Variants in PTCHD4 observed in about 807,000 individuals in gnomAD.
The protein encoded by PTCHD4 is patched domain containing 4, also known as patched domain-containing protein 4.
Under a neutral mutation model 58.1 loss-of-function variants are expected in PTCHD4, and 33 were observed. The ratio of observed to expected loss-of-function variants is 0.57; its 90% confidence interval spans 0.43 to 0.76. The LOEUF is 0.76. PTCHD4 is among the 30% of genes least tolerant of loss of function. PTCHD4 has a pLI of 0.00. For missense variants in PTCHD4, 1,058 were observed against 1,027.1 expected (o/e 1.03, Z -0.41); for synonymous variants, 478 against 409.6 (o/e 1.17, Z -2.02).
chr6:47,977,453 T>G (rs1334974217), intron 4 of PTCHD4, among the ~76,000 whole-genome samples: 2 of 152,158 alleles, frequency 1.3e-5, no homozygotes, highest in East Asian at 3.9e-4. Flanking sequence ...CAACAGCTCA[T>G]GAGGAGTTGA....
intron 4 of PTCHD4, chr6:47,891,015 T>G (rs896338105): frequency 4.7e-6 from 1 of 214,176 alleles, no homozygotes; most frequent in Non-Finnish European, 7.9e-6. Flanking sequence ...TGAGACCAGC[T>G]TGGCCAACAT....
chr6:48,013,559 C>T (rs991275918), intron 3 of PTCHD4, among the ~76,000 whole-genome samples: 21 of 151,834 alleles, frequency 1.4e-4, no homozygotes, highest in Admixed American at 2.6e-4. Context: ...AGAAAGGAGG[C>T]GGGGATCTCA....
intron 4 of PTCHD4, among the ~76,000 whole-genome samples, chr6:47,904,066 A>T (rs1037811934): frequency 6.6e-6 from 1 of 152,196 alleles, no homozygotes; most frequent in African/African-American, 2.4e-5. Flanking sequence ...GCTGGAGTGG[A>T]CTGAAAGAAG....
At chr6:47,882,741 G>GAGATATATATATATAA (rs143060584) in intron 4 of PTCHD4, among the ~76,000 whole-genome samples, 1 of 102,374 alleles carries the variant, frequency 9.8e-6, no homozygotes, top group Non-Finnish European at 2.1e-5. Flanking sequence ...TGATTCCAGT[G>GAGATATATATATATAA]ATATATATAT....
chr6:47,888,543 T>G (rs1477477887), intron 4 of PTCHD4, among the ~76,000 whole-genome samples: 2 of 152,136 alleles, frequency 1.3e-5, no homozygotes, highest in East Asian at 3.8e-4. Context: ...GTTGTATATT[T>G]TATATATATA....
chr6:48,098,342 C>CTTCT lies in PTCHD4; in HGVS notation c.-970+12706_-970+12707insAGAA, dbSNP rs1554182604. Among the ~76,000 whole-genome samples, 149 of 140,276 alleles carry CTTCT rather than the reference C, an allele frequency of 1.1e-3. 3 individuals carry two copies. In the South Asian group the frequency reaches 0.031, roughly 29 times the overall value. 92.0% of individuals were successfully genotyped at this position (140,276 alleles called of 152,430 possible). On this transcript the variant is annotated intron_variant, in intron 1 of 4. Transcript: ENST00000339488. ...TTTTCTTCTTCTTCTTCTTCTTCTT[C>CTTCT]TTTTTTTTTTTTTTGAGAGAGAGTC...
intron 4 of PTCHD4, among the ~76,000 whole-genome samples, chr6:47,930,721 T>C (rs949498425): frequency 7.9e-5 from 12 of 152,202 alleles, no homozygotes; most frequent in African/African-American, 2.7e-4. Context: ...CCAGGAAATA[T>C]TGTCTCCTTT....
intron 1 of PTCHD4, among the ~76,000 whole-genome samples, chr6:48,074,295 T>C (rs926052582): frequency 6.6e-6 from 1 of 152,236 alleles, no homozygotes; most frequent in African/African-American, 2.4e-5. Context: ...ACAGTAGTTA[T>C]AGAGCTGGTT....
intron 3 of PTCHD4, among the ~76,000 whole-genome samples, chr6:48,055,219 C>T (rs1193952789): frequency 2.0e-5 from 3 of 152,016 alleles, no homozygotes; most frequent in South Asian, 2.1e-4. Context: ...TCAATGGATG[C>T]TTATAAGTTT....
intron 3 of PTCHD4, among the ~76,000 whole-genome samples, chr6:48,018,244 T>G (rs970751537): frequency 6.6e-6 from 1 of 152,182 alleles, no homozygotes; most frequent in African/African-American, 2.4e-5. Flanking sequence ...ACAGAAGACA[T>G]GCTGTTCAGC....
chr6:47,967,107 T>G (rs542912537), intron 4 of PTCHD4, among the ~76,000 whole-genome samples: 11 of 152,334 alleles, frequency 7.2e-5, no homozygotes, highest in African/African-American at 2.6e-4. Context: ...CCTTACAAAA[T>G]GTATTTCTTA....
chr6:48,076,509 T>C (rs986378150), intron 1 of PTCHD4, among the ~76,000 whole-genome samples: 1 of 152,232 alleles, frequency 6.6e-6, no homozygotes, highest in Non-Finnish European at 1.5e-5. Context: ...CAAAATTTAT[T>C]TCTTAAATAA....
At position 47,872,664 on chromosome 6, in the gene PTCHD4, A is replaced by G. The variant is rs998928050; in HGVS notation, c.*5639T>C. Among the ~76,000 whole-genome samples the G allele has an allele frequency of 6.6e-5, 10 of 151,642 alleles. No homozygotes were observed. Among genetic ancestry groups the G allele is most frequent in the Admixed American group, 2.0e-4 (3 of 15,180 alleles). Reference sequence around the variant, plus strand: ...AAAATAGTAGAAGCTGGCTTTCTATAATTTAAGATAGTGCAAAATCAGTGA... The same window carrying G: ...AAAATAGTAGAAGCTGGCTTTCTATGATTTAAGATAGTGCAAAATCAGTGA... On this transcript the variant is annotated 3_prime_UTR_variant, in exon 5 of 5. Coordinates refer to ENST00000339488, the MANE Select transcript of PTCHD4 (RefSeq NM_001384253.1).
At chr6:48,110,194 C>T (rs906059318) in intron 1 of PTCHD4, among the ~76,000 whole-genome samples, 2 of 152,162 alleles carry the variant, frequency 1.3e-5, no homozygotes, top group African/African-American at 4.8e-5. Context: ...ATAGCCAAAA[C>T]ATAGAATCAA....
rs182441205 is a variant in PTCHD4, at chr6:48,098,610, A to G, written c.-970+12439T>C. On this transcript the variant is annotated intron_variant, in intron 1 of 4. Coordinates refer to ENST00000339488, the MANE Select transcript of PTCHD4 (RefSeq NM_001384253.1). ...CACCTGAGCCTCCCAAAGTGCTGGG[A>G]TTACAGGCGTGGGCCACTGCACCTG... is the stretch of plus-strand genomic sequence containing the variant. Among the ~76,000 whole-genome samples, 122 of 152,322 alleles carry G rather than the reference A, an allele frequency of 8.0e-4. 1 individual carries two copies. The highest frequency in any genetic ancestry group is 2.8e-3 in the African/African-American group (116 of 41,586).
chr6:47,974,761 A>C (rs1410495528), intron 4 of PTCHD4, among the ~76,000 whole-genome samples: 1 of 152,228 alleles, frequency 6.6e-6, no homozygotes, highest in African/African-American at 2.4e-5. Flanking sequence ...TGTTTAACAT[A>C]TGCTAATATT....
intron 4 of PTCHD4, among the ~76,000 whole-genome samples, chr6:47,958,987 T>A (rs1189499384): frequency 6.6e-6 from 1 of 152,076 alleles, no homozygotes; most frequent in Non-Finnish European, 1.5e-5. Context: ...AATATAAGTC[T>A]CAATAACAAT....
intron 4 of PTCHD4, among the ~76,000 whole-genome samples, chr6:47,965,925 A>AAAAC (rs766631664): frequency 7.9e-5 from 12 of 152,288 alleles, no homozygotes; most frequent in Admixed American, 1.3e-4. Flanking sequence ...AAAAAAACCA[A>AAAAC]AAACAAACAA....
chr6:48,068,640 G>T lies in PTCHD4; in HGVS notation c.7C>A (p.Arg3=). Residue 3 remains arginine, a splice_region_variant and synonymous_variant, in exon 3 of 5, where the codon CGG becomes AGG. Transcript: ENST00000339488. This position sits in a 1 kb window ranked among gnomAD's most constrained non-coding sequence, Gnocchi z 4.2. The stretch of plus-strand genomic sequence containing the variant: ...ATCCAGCTCGCAGGCGCTCCCGGCC[G>T]TCTTAAAAAGCACATGTGACATGTG... MR[R]PGAPASWIWW... is the part of the protein sequence containing the mutation. 1 of 1,545,280 alleles carries T rather than the reference G, an allele frequency of 6.5e-7. No individual in the cohort carries two copies.
Sources: allele counts gnomAD v4.1 joint callset (sites outside exome capture counted in the v4.1 genomes callset), GRCh38; gene constraint gnomAD v4.1.1; non-coding constraint Gnocchi (gnomAD v3.1); transcripts MANE v1.5; gene names NCBI Gene and HGNC (gene_info 2026-07-23, HGNC 2026-07-21).